The following SAMTOR variants were observed in gnomAD, a reference collection of about 807,000 sequenced individuals.
The protein encoded by SAMTOR is UPF0532 protein C7orf60.
At chr7:112,830,101 A>G in the SAMTOR span, among the ~76,000 whole-genome samples, 20 of 151,954 alleles carry the variant, frequency 1.3e-4, no homozygotes, top group African/African-American at 4.8e-4. Flanking sequence ...AGGACTCTTC[A>G]CAACTCACAG....
chr7:112,912,375 A>G, the SAMTOR span, among the ~76,000 whole-genome samples: 1 of 152,054 alleles, frequency 6.6e-6, no homozygotes, highest in Non-Finnish European at 1.5e-5. Context: ...GATTCATATT[A>G]CATATAAAAT....
the SAMTOR span, among the ~76,000 whole-genome samples, chr7:112,901,155 C>A: frequency 6.6e-6 from 1 of 152,200 alleles, no homozygotes; most frequent in Non-Finnish European, 1.5e-5. Context: ...GGGTCCCCAA[C>A]CCCCAGTACT....
At chr7:112,928,420 C>G in the SAMTOR span, among the ~76,000 whole-genome samples, 6 of 151,882 alleles carry the variant, frequency 4.0e-5, no homozygotes, top group East Asian at 7.7e-4. Flanking sequence ...GCCATCCTTA[C>G]GGTACTTTGT....
At chr7:112,859,619 A>G in the SAMTOR span, among the ~76,000 whole-genome samples, 1 of 152,114 alleles carries the variant, frequency 6.6e-6, no homozygotes, top group Non-Finnish European at 1.5e-5. Flanking sequence ...TGGAAGTGGA[A>G]GACAGTGATA....
the SAMTOR span, among the ~76,000 whole-genome samples, chr7:112,931,547 G>T: frequency 6.6e-6 from 1 of 152,120 alleles, no homozygotes; most frequent in Non-Finnish European, 1.5e-5. Flanking sequence ...GAACTTCACA[G>T]GTGGGTCTAT....
the SAMTOR span, among the ~76,000 whole-genome samples, chr7:112,856,244 CTTTTTTTTTCTT>C: frequency 6.7e-6 from 1 of 149,214 alleles, no homozygotes; most frequent in African/African-American, 2.5e-5. Context: ...TTTTTATTTA[CTTTTTTTTTCTT>C]TTTTTTTTTT....
the SAMTOR span, among the ~76,000 whole-genome samples, chr7:112,908,499 T>C: frequency 6.6e-6 from 1 of 152,196 alleles, no homozygotes. Flanking sequence ...TAATTCTTTA[T>C]AACAAATCTT....
chr7:112,827,054 C>G, the SAMTOR span, among the ~76,000 whole-genome samples: 1 of 152,128 alleles, frequency 6.6e-6, no homozygotes, highest in Non-Finnish European at 1.5e-5. Flanking sequence ...TATGGAATGT[C>G]ATTTTTATCC....
At chr7:112,892,854 G>C in the SAMTOR span, among the ~76,000 whole-genome samples, 1 of 152,070 alleles carries the variant, frequency 6.6e-6, no homozygotes, top group African/African-American at 2.4e-5. Context: ...CGTTGTATTA[G>C]CAGGCACGAA....
chr7:112,865,605 CAT>C, the SAMTOR span, among the ~76,000 whole-genome samples: 28 of 146,312 alleles, frequency 1.9e-4, no homozygotes, highest in Non-Finnish European at 3.4e-4. Context: ...ATATATATTT[CAT>C]ATATATACAT....
chr7:112,825,483 TTC>T, the SAMTOR span, among the ~76,000 whole-genome samples: 7 of 152,200 alleles, frequency 4.6e-5, no homozygotes, highest in African/African-American at 1.7e-4. Context: ...TAGTTAAAAT[TTC>T]TGATTGGTTG....
chr7:112,899,124 G>C, the SAMTOR span, among the ~76,000 whole-genome samples: 7 of 152,108 alleles, frequency 4.6e-5, no homozygotes, highest in Non-Finnish European at 8.8e-5. Context: ...TCCTGGAGTA[G>C]TACAGATATA....
the SAMTOR span, among the ~76,000 whole-genome samples, chr7:112,888,809 A>G: frequency 6.6e-6 from 1 of 152,180 alleles, no homozygotes; most frequent in Non-Finnish European, 1.5e-5. Flanking sequence ...TTCCTATATA[A>G]TATCTGTGAC....
chr7:112,868,024 A>T, the SAMTOR span, among the ~76,000 whole-genome samples: 1 of 152,196 alleles, frequency 6.6e-6, no homozygotes, highest in African/African-American at 2.4e-5. Context: ...AGTGCTCCTT[A>T]TGAGAATCTA....
chr7:112,901,222 G>C, the SAMTOR span, among the ~76,000 whole-genome samples: 1 of 152,228 alleles, frequency 6.6e-6, no homozygotes, highest in Non-Finnish European at 1.5e-5. Context: ...GCAGGTGAGT[G>C]AGTGAAGCTT....
the SAMTOR span, among the ~76,000 whole-genome samples, chr7:112,880,411 C>T: frequency 6.6e-6 from 1 of 152,086 alleles, no homozygotes; most frequent in Non-Finnish European, 1.5e-5. Flanking sequence ...AAGTTATTCC[C>T]TGAGCCAGTG....
the SAMTOR span, among the ~76,000 whole-genome samples, chr7:112,864,636 CTG>C: frequency 4.5e-4 from 69 of 152,332 alleles, no homozygotes; most frequent in African/African-American, 1.7e-3. Context: ...GCTGAAAGTT[CTG>C]TGTTTTAACC....
At chr7:112,890,232 AC>A in the SAMTOR span, among the ~76,000 whole-genome samples, 2 of 152,080 alleles carry the variant, frequency 1.3e-5, no homozygotes, top group African/African-American at 4.8e-5. Context: ...ATCAAGACGC[AC>A]TCTACTGGAA....
the SAMTOR span, among the ~76,000 whole-genome samples, chr7:112,938,061 A>G: frequency 6.6e-6 from 1 of 152,140 alleles, no homozygotes; most frequent in Non-Finnish European, 1.5e-5. Context: ...AATTTGTACA[A>G]AATAGCAGGA....
Sources: gnomAD v4.1 joint callset for allele counts (sites outside exome capture counted in the v4.1 genomes callset) on GRCh38, gnomAD v4.1.1 for gene constraint, MANE v1.5 for transcripts, NCBI Gene and HGNC (gene_info 2026-07-23, HGNC 2026-07-21) for gene names.